IFT140: variants seen among roughly 807,000 people sequenced by gnomAD.
IFT140 encodes intraflagellar transport 140.
Under a neutral mutation model 164.6 loss-of-function variants are expected in IFT140, and 133 were observed. The observed-to-expected ratio is 0.81, with a 90% CI of 0.70 to 0.93. The LOEUF is 0.93. Among genes scored for constraint, IFT140 ranks in the 40% least tolerant of loss-of-function variants. IFT140 has a pLI of 0.00. For missense variants in IFT140, 2,045 were observed against 1,972.3 expected, an observed-to-expected ratio of 1.04 and a Z score of -0.70; for synonymous variants, 860 against 817.3, an observed-to-expected ratio of 1.05 and a Z score of -0.89.
Position 1,557,865 on chromosome 16 carries a change from C to G in IFT140, c.2399+70G>C, listed in dbSNP as rs562847537. 2,678 of 1,475,008 alleles carry G rather than the reference C, an allele frequency of 1.8e-3. 8 individuals are homozygous for G. Among genetic ancestry groups the G allele is most frequent in the Non-Finnish European group, 2.3e-3 (2,453 of 1,059,508 alleles). 91.4% of individuals were successfully genotyped at this position (1,475,008 alleles called of 1,614,324 possible). A position where few individuals can be genotyped will look rare whatever the true frequency, so the allele number is the denominator to read the frequency against. ...TATTTCAACAGGCGAACCAAGAAGGCAAACAGGGAGAAAGGAAAGAGCCGT... is the reference window on the plus strand; with the variant it reads ...TATTTCAACAGGCGAACCAAGAAGGGAAACAGGGAGAAAGGAAAGAGCCGT... On this transcript the variant is annotated intron_variant, in intron 19 of 30. Transcript: ENST00000426508.
At chr16:1,554,030 G>A (rs943593405) in intron 19 of IFT140, 3 of 1,287,058 alleles carry the variant, frequency 2.3e-6, no homozygotes, top group Non-Finnish European at 3.0e-6. Flanking sequence ...CTCCTTCTCT[G>A]GTTTCAGGCT....
In IFT140 at chr16:1,518,254, G is replaced by A. The variant is rs139458566; in HGVS notation, c.4144C>T (p.Leu1382=). 47 of 1,614,140 alleles carry A rather than the reference G, an allele frequency of 2.9e-5. No homozygotes were observed. The African/African-American group carries it at 5.3e-4, about 18-fold the overall frequency. ...TCCTTCCGCACGTAGTGCTCCACCA[G>A]GAAGCCATAGACGTCCCCGATGCGG... ...TIRIGDVYGF[L]VEHYVRKEEY... Residue 1382 remains leucine (L), a synonymous_variant, in exon 30 of 31, where the codon CTG becomes TTG. Coordinates refer to ENST00000426508, the MANE Select transcript of IFT140 (RefSeq NM_014714.4).
intron 19 of IFT140, among the ~76,000 whole-genome samples, chr16:1,539,615 G>A (rs2031430329): frequency 6.6e-5 from 10 of 152,260 alleles, no homozygotes; most frequent in Admixed American, 6.5e-4. Flanking sequence ...GGAGCGCTAT[G>A]GTTTCTAACT....
rs765410918 is a variant in IFT140 at position 1,566,208 on chromosome 16, T to G, written c.1854A>C (p.Gln618His). 1.2e-6 allele frequency: 2 copies of G among 1,613,862 alleles called. No homozygotes were observed. Among genetic ancestry groups the G allele is most frequent in the African/African-American group, 2.7e-5 (2 of 75,058 alleles). ...TVTVFDFKTGQIDRRETLSFN... is the reference protein window; with the variant it reads ...TVTVFDFKTGHIDRRETLSFN... ...AGGACAGCGTCTCTCTCCGATCAAT[T>G]TGTCCAGTCTTGAAGTCAAAGACGG... is the stretch of plus-strand genomic sequence containing the variant. Residue 618 changes from glutamine (Q) to histidine (H), a missense_variant, in exon 16 of 31, where the codon CAA becomes CAC. Transcript: ENST00000426508.
chr16:1,553,932 A>T lies in IFT140; in HGVS notation c.2399+4003T>A. The T allele has an allele frequency of 7.8e-7, 1 of 1,285,168 alleles. No homozygotes were observed. Among genetic ancestry groups the T allele is most frequent in the South Asian group, 1.2e-5 (1 of 80,908 alleles). 79.6% of individuals were successfully genotyped at this position (1,285,168 alleles called of 1,614,324 possible). ...CTAAAAAGGTCTTTGGAGCTCCTCA[A>T]AGATAAAACTGTAAGTGAAACTGTA... On this transcript the variant is annotated intron_variant, in intron 19 of 30. Coordinates refer to ENST00000426508, the MANE Select transcript of IFT140 (RefSeq NM_014714.4). The surrounding 1 kb of genome is among the most constrained non-coding windows in gnomAD (Gnocchi z 4.4).
chr16:1,569,121 C>T (rs1045649098), intron 14 of IFT140, among the ~76,000 whole-genome samples: 1 of 151,804 alleles, frequency 6.6e-6, no homozygotes, highest in Non-Finnish European at 1.5e-5. Context: ...TCTCCTGCCT[C>T]AGCCTCCCGA....
chr16:1,583,202 C>G lies in IFT140; in HGVS notation c.1432+112G>C, dbSNP rs1026960229. On this transcript the variant is annotated intron_variant, in intron 12 of 30. Coordinates refer to ENST00000426508, the MANE Select transcript of IFT140 (RefSeq NM_014714.4). ...GAAGCGCAGGCAGTAGCACAAGGGT[C>G]TCCCCAGCCCCTGTGCCAGCCCTCA... 5.4e-6 allele frequency: 5 copies of G among 924,830 alleles called. No individual in the cohort carries two copies. The East Asian group carries it at 1.0e-4, about 19-fold the overall frequency. The allele number at this position is 924,830 out of a possible 1,614,324, so 57.3% of individuals were successfully genotyped here. A position where few individuals can be genotyped will look rare whatever the true frequency, so the allele number is the denominator to read the frequency against.
rs937925734 is a variant in IFT140 at position 1,527,793 on chromosome 16, G to A, written c.2400-997C>T. Among the ~76,000 whole-genome samples, 14 of 152,138 alleles carry A rather than the reference G, an allele frequency of 9.2e-5. No homozygotes were observed. The South Asian group carries it at 1.2e-3, about 13-fold the overall frequency. On this transcript the variant is annotated intron_variant, in intron 19 of 30. Coordinates refer to ENST00000426508, the MANE Select transcript of IFT140 (RefSeq NM_014714.4). ...TCGCCATGTTACCCAGGCTGGTCTC[G>A]AACTTCTGAGCTCAAGTGATCCACC...
chr16:1,510,980 G>T lies in IFT140; in HGVS notation c.4353C>A (p.Asp1451Glu). 1 of 1,612,156 alleles carries T rather than the reference G, an allele frequency of 6.2e-7. No individual in the cohort carries two copies. The highest frequency in any genetic ancestry group is 8.5e-7 in the Non-Finnish European group (1 of 1,179,326). Reference protein sequence around the residue: ...HNSMEDARELDEEVVEEADDD... With the variant: ...HNSMEDARELEEEVVEEADDD... ...CATCTGCCTCTTCCACCACCTCCTCGTCCAGCTCCCTGGCGTCCTCCATGC... is the reference window on the plus strand; with the variant it reads ...CATCTGCCTCTTCCACCACCTCCTCTTCCAGCTCCCTGGCGTCCTCCATGC... Residue 1451 changes from aspartate to glutamate, a missense_variant, in exon 31 of 31, where the codon GAC (aspartate) becomes GAA (glutamate). By Grantham distance (45) the Asp-to-Glu change is conservative. Coordinates refer to ENST00000426508, the MANE Select transcript of IFT140 (RefSeq NM_014714.4).
intron 29 of IFT140, 56 bp downstream of exon 29, chr16:1,519,825 C>T (rs1034424678): frequency 5.4e-6 from 8 of 1,479,414 alleles, no homozygotes; most frequent in Non-Finnish European, 7.2e-6. Context: ...CGTGGTCAGC[C>T]CCGGCCCTGT....
At chr16:1,595,508 G>A (rs1012898963) in intron 4 of IFT140, among the ~76,000 whole-genome samples, 2 of 151,400 alleles carry the variant, frequency 1.3e-5, no homozygotes, top group South Asian at 2.1e-4. Flanking sequence ...CCAGCTACTC[G>A]GGAGGCTGAG....
rs372138381 is a variant in IFT140, at chr16:1,533,480, CCT to C, written c.2400-6686_2400-6685del. On this transcript the variant is annotated intron_variant, in intron 19 of 30. Coordinates refer to ENST00000426508, the MANE Select transcript of IFT140 (RefSeq NM_014714.4). The surrounding 1 kb of genome is among the most constrained non-coding windows in gnomAD (Gnocchi z 4.7). ...TCTGTCCCGCACCCGGCATCCCTGG[CCT>C]CTCCTCTGGGACAGGAAGATGGGGA... 0.011 allele frequency: 1,749 copies of C among 152,462 alleles called. 38 individuals carry two copies. Among genetic ancestry groups the C allele is most frequent in the African/African-American group, 0.04 (1,647 of 41,566 alleles). 9.4% of individuals were successfully genotyped at this position (152,462 alleles called of 1,614,324 possible).
chr16:1,581,849 G>T (rs12164992), intron 12 of IFT140, among the ~76,000 whole-genome samples: 1 of 147,504 alleles, frequency 6.8e-6, no homozygotes, highest in Non-Finnish European at 1.5e-5. Flanking sequence ...GTGAAGTGTC[G>T]GTACAATCCT....
At chr16:1,566,752 G>A (rs143643157) in intron 15 of IFT140, among the ~76,000 whole-genome samples, 1 of 152,204 alleles carries the variant, frequency 6.6e-6, no homozygotes, top group Non-Finnish European at 1.5e-5. Context: ...CCGGGACCCT[G>A]TGCTTTCTCT....
At chr16:1,537,579 A>C (rs2031200168) in intron 19 of IFT140, among the ~76,000 whole-genome samples, 1 of 152,116 alleles carries the variant, frequency 6.6e-6, no homozygotes, top group African/African-American at 2.4e-5. Flanking sequence ...TTCATTACGG[A>C]TCAGGGGTGC....
chr16:1,583,301 G>C lies in IFT140; in HGVS notation c.1432+13C>G, dbSNP rs1316958661. On this transcript the variant is annotated intron_variant, in intron 12 of 30. Transcript: ENST00000426508. Reference sequence around the variant, plus strand: ...GTAGTGGGAGTGCCTCTGTCCGGGTGAAAAGAACCCACCTGCACTCCGTAT... The same window carrying C: ...GTAGTGGGAGTGCCTCTGTCCGGGTCAAAAGAACCCACCTGCACTCCGTAT... The C allele has an allele frequency of 6.2e-7, 1 of 1,612,926 alleles. No individual in the cohort carries two copies.
At chr16:1,558,872 G>A (rs1341044129) in intron 18 of IFT140, among the ~76,000 whole-genome samples, 1 of 152,220 alleles carries the variant, frequency 6.6e-6, no homozygotes, top group Non-Finnish European at 1.5e-5. Context: ...ACTTCCTGAA[G>A]GGTGACTCCA....
intron 24 of IFT140, chr16:1,524,323 G>C: frequency 1.5e-6 from 1 of 652,506 alleles, no homozygotes; most frequent in Non-Finnish European, 2.6e-6. Flanking sequence ...GAGCCCTGGA[G>C]CCTGGGAAAC....
chr16:1,578,113 C>T (rs1205300573), intron 13 of IFT140: 1 of 152,210 alleles, frequency 6.6e-6, no homozygotes, highest in East Asian at 1.9e-4. Context: ...TCTCTCCCAG[C>T]TGGCACTGCA....
Sources: allele counts gnomAD v4.1 joint callset (sites outside exome capture counted in the v4.1 genomes callset), GRCh38; gene constraint gnomAD v4.1.1; non-coding constraint Gnocchi (gnomAD v3.1); transcripts MANE v1.5; gene names NCBI Gene and HGNC (gene_info 2026-07-23, HGNC 2026-07-21).